The following CELF3 variants were observed in gnomAD, a reference collection of about 807,000 sequenced individuals.
The protein encoded by CELF3 is CAG repeat domain.
A neutral mutation model predicts 59.6 loss-of-function variants in CELF3; 26 were observed. The observed-to-expected ratio is 0.44, with a 90% CI of 0.32 to 0.61. CELF3 has a LOEUF of 0.61. CELF3 is among the 20% of genes least tolerant of loss of function. The pLI, the probability that CELF3 is intolerant of heterozygous loss-of-function variation, is 0.06. For missense variants in CELF3, 387 were observed against 627.2 expected (o/e 0.62, Z 4.09); for synonymous variants, 245 against 250.7 (o/e 0.98, Z 0.22).
chr1:151,707,893 T>A lies in CELF3; in HGVS notation c.529A>T (p.Lys177Ter). The change falls in exon 6 of 13, where the codon AAG becomes TAG. Residue 177 changes from lysine to a stop codon, truncating the protein, a stop_gained. Coordinates refer to ENST00000290583, the MANE Select transcript of CELF3 (RefSeq NM_007185.7). LOFTEE classifies it high-confidence loss of function. ...SLVVKFADTEKERGLRRMQQV... is the reference protein window; with the variant it reads ...SLVVKFADTE ...TGCATGCGGCGGAGACCTCGCTCCTTCTCAGTGTCAGCAAACTTCACCACC... is the reference window on the plus strand; with the variant it reads ...TGCATGCGGCGGAGACCTCGCTCCTACTCAGTGTCAGCAAACTTCACCACC... 1 of 1,613,754 alleles carries A rather than the reference T, an allele frequency of 6.2e-7. No individual in the cohort carries two copies. The highest frequency in any genetic ancestry group is 8.5e-7 in the Non-Finnish European group (1 of 1,179,754).
At chr1:151,708,927 T>G (rs1672780529) in intron 5 of CELF3, 71 bp downstream of exon 5, 1 of 1,414,724 alleles carries the variant, frequency 7.1e-7, no homozygotes, top group African/African-American at 1.4e-5. Context: ...GTGGACTGCT[T>G]CTCTGGGCCA....
At position 151,716,794 on chromosome 1, in the gene CELF3, A is replaced by C; in HGVS notation, c.-774T>G. On this transcript the variant is annotated 5_prime_UTR_variant, in exon 1 of 13. Transcript: ENST00000290583. ...TCTGCTCTCCGGCCGCGCTCTCCTC[A>C]ACAAAAACCTCCCCCCTCCACACCC... 2.2e-6 allele frequency: 1 copy of C among 458,540 alleles called. No individual in the cohort carries two copies. The highest frequency in any genetic ancestry group is 4.5e-6 in the Non-Finnish European group (1 of 224,314). 28.4% of individuals were successfully genotyped at this position (458,540 alleles called of 1,614,324 possible).
At chr1:151,712,564 AC>A (rs1319424115) in intron 2 of CELF3, among the ~76,000 whole-genome samples, 1 of 151,578 alleles carries the variant, frequency 6.6e-6, no homozygotes, top group Non-Finnish European at 1.5e-5. Flanking sequence ...ACAGAGGGCA[AC>A]CCCCACTCCA....
At chr1:151,706,786 C>A in intron 8 of CELF3, 52 bp from the exon 9 acceptor site, 1 of 1,383,282 alleles carries the variant, frequency 7.2e-7, no homozygotes, top group South Asian at 1.4e-5. Flanking sequence ...CAGTGGGGGC[C>A]CTCAGTGCCT....
At position 151,715,993 on chromosome 1, in the gene CELF3, AC is replaced by A; in HGVS notation, c.27del (p.Phe10LeufsTer14). The stretch of plus-strand genomic sequence containing the variant: ...AGATGCCTCGGGATCTGCCCCACAA[AC>A]AGCTTGATGGCATCCGGCTCCTTCA... Reference protein sequence around the residue: MKEPDAIKLFVGQIPRHLE... With the variant: MKEPDAIKXFVGQIPRHLE... On this transcript the variant is annotated frameshift_variant, in exon 1 of 13. Transcript: ENST00000290583. LOFTEE classifies it high-confidence loss of function. The A allele has an allele frequency of 1.9e-6, 3 of 1,613,830 alleles. No individual in the cohort carries two copies. Among genetic ancestry groups the A allele is most frequent in the Non-Finnish European group, 8.5e-7 (1 of 1,179,836 alleles).
rs1443436327 is a variant in CELF3 at position 151,716,714 on chromosome 1, C to T, written c.-694G>A. The T allele has an allele frequency of 6.6e-6, 3 of 451,912 alleles. No homozygotes were observed. The highest frequency in any genetic ancestry group is 1.5e-4 in the East Asian group (2 of 13,266). 28.0% of individuals were successfully genotyped at this position (451,912 alleles called of 1,614,324 possible). A position where few individuals can be genotyped will look rare whatever the true frequency, so the allele number is the denominator to read the frequency against. On this transcript the variant is annotated 5_prime_UTR_variant, in exon 1 of 13. Transcript: ENST00000290583. ...CCAGTCCCCGGGCCTGGGCTGCTGC[C>T]GGCTGCTCCCGCCGCTGGGGCTGCC...
chr1:151,715,179 G>C (rs971949344), intron 1 of CELF3, among the ~76,000 whole-genome samples: 2 of 152,068 alleles, frequency 1.3e-5, no homozygotes, highest in African/African-American at 2.4e-5. Context: ...CCTCTTCCCT[G>C]TGCCAGGTGG....
At chr1:151,710,772 G>A (rs749060459) in intron 2 of CELF3, 1 of 456,500 alleles carries the variant, frequency 2.2e-6, no homozygotes, top group South Asian at 1.5e-5. Flanking sequence ...GTCTTCAGTG[G>A]AAATGGAGAA....
At position 151,716,639 on chromosome 1, in the gene CELF3, C is replaced by T. The variant is rs1193310590; in HGVS notation, c.-619G>A. ...GCAGGGCTCCAGGGGTCCCTTTTGC[C>T]CTGCCGCCCCCCTTCAGGTCCTCCC... On this transcript the variant is annotated 5_prime_UTR_variant, in exon 1 of 13. Coordinates refer to ENST00000290583, the MANE Select transcript of CELF3 (RefSeq NM_007185.7). 5.3e-6 allele frequency: 2 copies of T among 374,528 alleles called. No homozygotes were observed. The highest frequency in any genetic ancestry group is 2.0e-5 in the South Asian group (1 of 50,736). 23.2% of individuals were successfully genotyped at this position (374,528 alleles called of 1,614,324 possible). A position where few individuals can be genotyped will look rare whatever the true frequency, so the allele number is the denominator to read the frequency against.
At position 151,716,078 on chromosome 1, in the gene CELF3, G is replaced by A. The variant is rs1247225544; in HGVS notation, c.-58C>T. ...CAGGGAGAGGCCCAAAGGCCAAGGG[G>A]AGCTGCCCAGCAAGGAGATAAGTGG... On this transcript the variant is annotated 5_prime_UTR_variant, in exon 1 of 13. Transcript: ENST00000290583. 2 of 1,526,234 alleles carry A rather than the reference G, an allele frequency of 1.3e-6. No homozygotes were observed. Among genetic ancestry groups the A allele is most frequent in the South Asian group, 1.3e-5 (1 of 77,924 alleles). 94.5% of individuals were successfully genotyped at this position (1,526,234 alleles called of 1,614,324 possible).
At chr1:151,708,879 G>T in intron 5 of CELF3, 119 bp downstream of exon 5, 2 of 912,130 alleles carry the variant, frequency 2.2e-6, no homozygotes, top group Non-Finnish European at 3.3e-6. Context: ...CTTCTGCCAG[G>T]ACATTCCTTT....
rs777425603 is a variant in CELF3, at chr1:151,702,085, G to A, written c.*1374C>T. Among the ~76,000 whole-genome samples, 1 of 152,264 alleles carries A rather than the reference G, an allele frequency of 6.6e-6. No homozygotes were observed. The highest frequency in any genetic ancestry group is 1.5e-5 in the Non-Finnish European group (1 of 68,046). On this transcript the variant is annotated 3_prime_UTR_variant, in exon 13 of 13. Transcript: ENST00000290583. Reference sequence around the variant, plus strand: ...GCTCCCAGTATCCACACTGGCCTCTGTGCAGAAATGGAGGTCCAGATGTGA... The same window carrying A: ...GCTCCCAGTATCCACACTGGCCTCTATGCAGAAATGGAGGTCCAGATGTGA...
intron 2 of CELF3, among the ~76,000 whole-genome samples, chr1:151,712,787 G>A (rs981275693): frequency 3.9e-5 from 6 of 152,190 alleles, no homozygotes; most frequent in African/African-American, 1.2e-4. Flanking sequence ...TGGGGAGCAA[G>A]GAGAGGGGGC....
intron 2 of CELF3, chr1:151,713,546 A>ACAAT (rs1376117555): frequency 6.6e-6 from 1 of 152,242 alleles, no homozygotes; most frequent in Admixed American, 6.5e-5. Context: ...AGGGGCCTCC[A>ACAAT]CAGAGAAAAA....
chr1:151,704,851 G>C (rs1672381771), intron 12 of CELF3, among the ~76,000 whole-genome samples, 180 bp downstream of exon 12: 1 of 152,002 alleles, frequency 6.6e-6, no homozygotes, highest in Non-Finnish European at 1.5e-5. Context: ...GAGTGACTCA[G>C]ATTATTGAAA....
intron 12 of CELF3, 144 bp downstream of exon 12, chr1:151,704,887 C>T: frequency 1.2e-6 from 1 of 820,916 alleles, no homozygotes; most frequent in Non-Finnish European, 1.9e-6. Flanking sequence ...TGCCCCAGCC[C>T]CCTGCTTCAA....
chr1:151,701,411 G>A lies in CELF3; in HGVS notation c.*2048C>T, dbSNP rs1195557158. ...AGTGGAGGGACTTAGGGCTTATGCA[G>A]TCCACCCTCTACCTGAAGGACTCAC... is the stretch of plus-strand genomic sequence containing the variant. On this transcript the variant is annotated 3_prime_UTR_variant, in exon 13 of 13. Coordinates refer to ENST00000290583, the MANE Select transcript of CELF3 (RefSeq NM_007185.7). 1.3e-5 allele frequency among the ~76,000 whole-genome samples: 2 copies of A among 152,154 alleles called. No homozygotes were observed. Among genetic ancestry groups the A allele is most frequent in the African/African-American group, 2.4e-5 (1 of 41,432 alleles).
At chr1:151,708,019 AC>A in intron 5 of CELF3, 84 bp from the exon 6 acceptor site, 3 of 1,467,176 alleles carry the variant, frequency 2.0e-6, no homozygotes, top group South Asian at 1.4e-5. Context: ...TCTCCATTCC[AC>A]CCCCATGGCA....
intron 2 of CELF3, 124 bp downstream of exon 2, chr1:151,714,470 G>A: frequency 1.3e-6 from 1 of 746,922 alleles, no homozygotes. Flanking sequence ...GCTACAGAGA[G>A]AGAGGGGGAC....
Sources: allele counts gnomAD v4.1 joint callset (sites outside exome capture counted in the v4.1 genomes callset), GRCh38; gene constraint gnomAD v4.1.1; transcripts MANE v1.5; gene names NCBI Gene and HGNC (gene_info 2026-07-23, HGNC 2026-07-21).